Variants in SLC22A14 observed in about 807,000 individuals in gnomAD.
The protein encoded by SLC22A14 is solute carrier family 22 member 14.
Under a neutral mutation model 53.9 loss-of-function variants are expected in SLC22A14, and 50 were observed. The observed-to-expected ratio is 0.93, with a 90% CI of 0.74 to 1.17. The LOEUF (loss-of-function observed/expected upper bound fraction) is 1.17. Among genes scored for constraint, SLC22A14 ranks in the 50% most tolerant of loss-of-function variants. The probability of loss-of-function intolerance (pLI) is 0.00; values close to 1 mark genes in which losing one functional copy is unlikely to be tolerated. For synonymous variants in SLC22A14, 312 were observed against 303.0 expected, an observed-to-expected ratio of 1.03 and a Z score of -0.31; for missense variants, 671 against 734.7, an observed-to-expected ratio of 0.91 and a Z score of 1.00.
At chr3:38,315,472 G>A in intron 8 of SLC22A14, 86 bp from the exon 9 acceptor site, 1 of 1,392,168 alleles carries the variant, frequency 7.2e-7, no homozygotes, top group African/African-American at 1.4e-5. Flanking sequence ...CTGGCCAGCT[G>A]GGCAGGTGGT....
chr3:38,284,417 C>T (rs1312928716), intron 1 of SLC22A14, among the ~76,000 whole-genome samples: 1 of 152,196 alleles, frequency 6.6e-6, no homozygotes. Context: ...AGCTCGGCCT[C>T]CCCACAGATC....
intron 5 of SLC22A14, among the ~76,000 whole-genome samples, chr3:38,311,089 TCTCTTGAA>T (rs1383180345): frequency 1.3e-5 from 2 of 152,198 alleles, no homozygotes; most frequent in Non-Finnish European, 2.9e-5. Flanking sequence ...TCTAAGGAGT[TCTCTTGAA>T]CTCCCCTTTG....
intron 1 of SLC22A14, among the ~76,000 whole-genome samples, chr3:38,288,302 T>G (rs1703834719): frequency 6.6e-6 from 1 of 152,264 alleles, no homozygotes; most frequent in Non-Finnish European, 1.5e-5. Flanking sequence ...CCATTGTATG[T>G]ATACACCACA....
At chr3:38,289,748 G>A (rs190572681) in intron 1 of SLC22A14, among the ~76,000 whole-genome samples, 5 of 152,356 alleles carry the variant, frequency 3.3e-5, no homozygotes, top group East Asian at 1.9e-4. Flanking sequence ...TGCCAGATCC[G>A]GAGGGGTGGA....
In SLC22A14 at chr3:38,313,429, G is replaced by A; in HGVS notation, c.1107G>A (p.Leu369=). The A allele has an allele frequency of 1.2e-6, 2 of 1,613,960 alleles. No individual in the cohort carries two copies. The highest frequency in any genetic ancestry group is 1.1e-5 in the South Asian group (1 of 91,082). ...PRKKVTRASV[L]DFCKNRQLCK... Reference sequence around the variant, plus strand: ...AGAAGGTGACTCGGGCCTCTGTCCTGGACTTCTGTAAGAATAGGCAGCTCT... The same window carrying A: ...AGAAGGTGACTCGGGCCTCTGTCCTAGACTTCTGTAAGAATAGGCAGCTCT... Residue 369 remains leucine, a synonymous_variant, in exon 7 of 11, where the codon CTG becomes CTA. Coordinates refer to ENST00000448498, the MANE Select transcript of SLC22A14 (RefSeq NM_001320033.2).
chr3:38,298,242 G>A (rs1045017172), intron 1 of SLC22A14, among the ~76,000 whole-genome samples: 2 of 152,100 alleles, frequency 1.3e-5, no homozygotes, highest in African/African-American at 4.8e-5. Context: ...GGCACCACAA[G>A]ATATTTTATA....
At chr3:38,290,922 C>T (rs143107181) in intron 1 of SLC22A14, among the ~76,000 whole-genome samples, 1 of 152,116 alleles carries the variant, frequency 6.6e-6, no homozygotes, top group African/African-American at 2.4e-5. Flanking sequence ...TGTAAGACTG[C>T]CACCTCTTTA....
At chr3:38,287,694 C>T (rs969505094) in intron 1 of SLC22A14, among the ~76,000 whole-genome samples, 10 of 151,820 alleles carry the variant, frequency 6.6e-5, no homozygotes, top group Non-Finnish European at 1.5e-5. Flanking sequence ...GTATTTATGC[C>T]CTTTGTCCTT....
chr3:38,296,057 C>G (rs1704029793), intron 1 of SLC22A14, among the ~76,000 whole-genome samples: 1 of 152,128 alleles, frequency 6.6e-6, no homozygotes, highest in Non-Finnish European at 1.5e-5. Context: ...ACCATTAGTA[C>G]CTAGGAGGCA....
intron 1 of SLC22A14, among the ~76,000 whole-genome samples, chr3:38,298,809 G>A (rs963658368): frequency 6.6e-5 from 10 of 152,298 alleles, no homozygotes; most frequent in African/African-American, 2.4e-4. Flanking sequence ...ACCTGCCTTG[G>A]CCTCCAAAGT....
intron 1 of SLC22A14, among the ~76,000 whole-genome samples, chr3:38,283,277 C>T (rs1487098042): frequency 6.6e-6 from 1 of 152,060 alleles, no homozygotes; most frequent in Non-Finnish European, 1.5e-5. Flanking sequence ...TAACTTTAAC[C>T]CCCCTTGCCA....
At chr3:38,279,229 C>T (rs543552732), upstream of SLC22A14, among the ~76,000 whole-genome samples, 3 of 152,320 alleles carry the variant, frequency 2.0e-5, no homozygotes, top group South Asian at 6.2e-4. Context: ...ACTGTGTGCC[C>T]ATTCATGGCA....
At chr3:38,296,695 C>G (rs1370796409) in intron 1 of SLC22A14, among the ~76,000 whole-genome samples, 1 of 152,092 alleles carries the variant, frequency 6.6e-6, no homozygotes, top group African/African-American at 2.4e-5. Flanking sequence ...GAACCTTGGG[C>G]CATGCAGTGA....
chr3:38,304,083 T>C (rs112232886), intron 1 of SLC22A14, among the ~76,000 whole-genome samples: 2 of 151,168 alleles, frequency 1.3e-5, no homozygotes, highest in East Asian at 3.9e-4. Context: ...CCCACCTACT[T>C]GGGAGGCTGA....
At chr3:38,297,443 A>AT (rs199800505) in intron 1 of SLC22A14, among the ~76,000 whole-genome samples, 3,029 of 149,114 alleles carry the variant, frequency 0.02, 99 homozygotes, top group Admixed American at 0.098. Flanking sequence ...TGGTGGTGGG[A>AT]TTTTTTTTTT....
At chr3:38,289,180 CAAAAAAA>C (rs1173451784) in intron 1 of SLC22A14, among the ~76,000 whole-genome samples, 1,140 of 52,962 alleles carry the variant, frequency 0.022, 8 homozygotes, top group African/African-American at 0.048. Flanking sequence ...TCTATCTCTA[CAAAAAAA>C]AAAAAAAAAA....
intron 8 of SLC22A14, 144 bp downstream of exon 8, chr3:38,314,085 C>A (rs550923054): frequency 3.1e-6 from 2 of 641,988 alleles, no homozygotes; most frequent in Non-Finnish European, 5.4e-6. Context: ...CCACAGAGGC[C>A]CCAGCACCTC....
At chr3:38,298,937 T>C (rs1704102179) in intron 1 of SLC22A14, among the ~76,000 whole-genome samples, 1 of 152,212 alleles carries the variant, frequency 6.6e-6, no homozygotes. Flanking sequence ...TTTGCTTAAA[T>C]ATTATACACA....
Position 38,313,386 on chromosome 3 carries a change from A to G in SLC22A14, c.1066-2A>G. ...CTCTGACTGGTCCTGCTTGTTCTGT[A>G]GCTGCAGCTGCCCAGAAAGAAGGTG... On this transcript the variant is annotated splice_acceptor_variant, in intron 6 of 10. Coordinates refer to ENST00000448498, the MANE Select transcript of SLC22A14 (RefSeq NM_001320033.2). LOFTEE classifies it high-confidence loss of function. 6.2e-7 allele frequency: 1 copy of G among 1,610,854 alleles called. No homozygotes were observed.
Sources: allele counts gnomAD v4.1 joint callset (sites outside exome capture counted in the v4.1 genomes callset), GRCh38; gene constraint gnomAD v4.1.1; transcripts MANE v1.5; gene names NCBI Gene and HGNC (gene_info 2026-07-23, HGNC 2026-07-21).